The following SPAG9 variants were observed in gnomAD, a reference collection of about 807,000 sequenced individuals.
SPAG9 encodes the protein sperm associated antigen 9.
In SPAG9, 35 loss-of-function variants were observed where a neutral mutation model predicts 166.5. That is an observed-to-expected ratio of 0.21 (90% CI 0.16 to 0.28). SPAG9 has a LOEUF of 0.28. Among genes scored for constraint, SPAG9 ranks in the 10% least tolerant of loss-of-function variants. SPAG9 has a pLI of 1.00. For synonymous variants in SPAG9, 534 were observed against 565.5 expected (o/e 0.94, Z 0.79); for missense variants, 1,235 against 1,603.3 (o/e 0.77, Z 3.92).
chr17:51,077,037 G>GCTAT (rs879478812), intron 2 of SPAG9, among the ~76,000 whole-genome samples: 2 of 108,628 alleles, frequency 1.8e-5, no homozygotes, highest in African/African-American at 7.2e-5. Flanking sequence ...TATCTATCTA[G>GCTAT]CTATCTAGCT....
intron 5 of SPAG9, among the ~76,000 whole-genome samples, chr17:51,036,967 G>T (rs1177285967): frequency 6.6e-6 from 1 of 152,126 alleles, no homozygotes; most frequent in Non-Finnish European, 1.5e-5. Context: ...CTGTTCTTCA[G>T]GACTGTCTTG....
chr17:51,054,324 T>C (rs1024489106), intron 3 of SPAG9, among the ~76,000 whole-genome samples: 2 of 151,858 alleles, frequency 1.3e-5, no homozygotes, highest in Admixed American at 6.6e-5. Flanking sequence ...GGTTTCACCA[T>C]GTTGCCCAGG....
rs113209642 is a variant in SPAG9, at chr17:51,073,901, G to C, written c.424+5683C>G. Reference sequence around the variant, plus strand: ...GCGGACCACAAGGTCAGGAGTTCGAGACCAGCCTGGCCAATATGGTGAAAC... The same window carrying C: ...GCGGACCACAAGGTCAGGAGTTCGACACCAGCCTGGCCAATATGGTGAAAC... On this transcript the variant is annotated intron_variant, in intron 2 of 29. Transcript: ENST00000262013. Among the ~76,000 whole-genome samples the C allele has an allele frequency of 7.7e-3, 1,175 of 152,164 alleles. 5 individuals carry two copies. Among genetic ancestry groups the C allele is most frequent in the Non-Finnish European group, 0.013 (890 of 67,996 alleles).
chr17:51,045,614 T>C (rs904172410), intron 4 of SPAG9, among the ~76,000 whole-genome samples: 1 of 151,592 alleles, frequency 6.6e-6, no homozygotes, highest in African/African-American at 2.4e-5. Context: ...ATTTAAATAA[T>C]AAATAAAAAC....
At position 51,013,917 on chromosome 17, in the gene SPAG9, C is replaced by T. The variant is rs201022514; in HGVS notation, c.1213+315G>A. On this transcript the variant is annotated intron_variant, in intron 9 of 29. Transcript: ENST00000262013. ...ACATACACATACACACACACACACA[C>T]ATACACACACACACATCACCATGTT... Among the ~76,000 whole-genome samples the T allele has an allele frequency of 2.5e-3, 331 of 130,282 alleles. 1 individual carries two copies. Among genetic ancestry groups the T allele is most frequent in the African/African-American group, 0.01 (316 of 30,606 alleles). The allele number at this position is 130,282 out of a possible 152,430, so 85.5% of individuals were successfully genotyped here.
Position 51,037,521 on chromosome 17 carries a change from G to A in SPAG9, c.741+3980C>T, listed in dbSNP as rs972728676. On this transcript the variant is annotated intron_variant, in intron 5 of 29. Transcript: ENST00000262013. Reference sequence around the variant, plus strand: ...CCAGCTACTTGGAAGGCTGAGGCAGGAGAATCACTTGAACCTGGGAGGTGG... The same window carrying A: ...CCAGCTACTTGGAAGGCTGAGGCAGAAGAATCACTTGAACCTGGGAGGTGG... Among the ~76,000 whole-genome samples, 5 of 150,908 alleles carry A rather than the reference G, an allele frequency of 3.3e-5. No individual in the cohort carries two copies. The East Asian group carries it at 9.7e-4, about 29-fold the overall frequency.
intron 28 of SPAG9, among the ~76,000 whole-genome samples, chr17:50,973,918 T>C (rs11652633): frequency 0.23 from 34,439 of 152,138 alleles, 4,835 homozygotes; most frequent in Non-Finnish European, 0.31. Flanking sequence ...TGACCCAATT[T>C]CTTAACAGTA....
At chr17:51,045,294 T>C (rs1021676770) in intron 4 of SPAG9, among the ~76,000 whole-genome samples, 2 of 152,240 alleles carry the variant, frequency 1.3e-5, no homozygotes, top group African/African-American at 2.4e-5. Flanking sequence ...ATTAATATTC[T>C]ACATATTCTT....
At chr17:51,059,375 TTTAAACAA>T (rs2047442458) in intron 2 of SPAG9, among the ~76,000 whole-genome samples, 1 of 152,074 alleles carries the variant, frequency 6.6e-6, no homozygotes, top group South Asian at 2.1e-4. Context: ...TAGAATGGGA[TTTAAACAA>T]ACTATTCAGA....
intron 29 of SPAG9, 106 bp downstream of exon 29, chr17:50,970,601 G>A (rs1353634831): frequency 3.3e-6 from 3 of 910,204 alleles, no homozygotes; most frequent in Non-Finnish European, 4.8e-6. Flanking sequence ...AGAGCTCAAA[G>A]AGAACCTCTT....
At position 51,041,570 on chromosome 17, in the gene SPAG9, T is replaced by G. The variant is rs757244763; in HGVS notation, c.672A>C (p.Gly224=). The change falls in exon 5 of 30, where the codon GGA becomes GGC. Residue 224 remains glycine (G), a synonymous_variant. Coordinates refer to ENST00000262013, the MANE Select transcript of SPAG9 (RefSeq NM_001130528.3). The part of the protein sequence containing the change: ...GLLTPDAQKG[G]ETPGSEQWKF... ...TCCATTGCTCAGATCCAGGGGTCTCTCCTCCTTTCTGAGCATCAGGTGTAA... is the reference window on the plus strand; with the variant it reads ...TCCATTGCTCAGATCCAGGGGTCTCGCCTCCTTTCTGAGCATCAGGTGTAA... The G allele has an allele frequency of 1.9e-6, 3 of 1,613,876 alleles. No individual in the cohort carries two copies. The highest frequency in any genetic ancestry group is 2.2e-5 in the South Asian group (2 of 91,066).
intron 1 of SPAG9, among the ~76,000 whole-genome samples, chr17:51,094,389 T>C (rs1443065644): frequency 6.6e-6 from 1 of 152,160 alleles, no homozygotes; most frequent in Non-Finnish European, 1.5e-5. Flanking sequence ...ATAATTAATA[T>C]ACTCAGAGAC....
chr17:51,108,965 C>T (rs1222139915), intron 1 of SPAG9, among the ~76,000 whole-genome samples: 2 of 151,252 alleles, frequency 1.3e-5, no homozygotes, highest in Admixed American at 6.6e-5. Context: ...TGGGTTCAAG[C>T]GATTCTCCTG....
At position 50,962,501 on chromosome 17, in the gene SPAG9, G is replaced by C. The variant is rs577063294; in HGVS notation, c.*3771C>G. On this transcript the variant is annotated 3_prime_UTR_variant, in exon 30 of 30. Coordinates refer to ENST00000262013, the MANE Select transcript of SPAG9 (RefSeq NM_001130528.3). ...TTAAGAGAAAAGACAGACATTTAGT[G>C]TTACAGAATAGCATAACCCTGTTAG... The C allele has an allele frequency of 2.6e-5, 4 of 152,320 alleles. No homozygotes were observed. In the South Asian group the frequency reaches 8.3e-4, roughly 32 times the overall value. The allele number at this position is 152,320 out of a possible 1,614,324, so 9.4% of individuals were successfully genotyped here. A position where few individuals can be genotyped will look rare whatever the true frequency, so the allele number is the denominator to read the frequency against.
At chr17:51,020,046 A>T in intron 8 of SPAG9, 113 bp downstream of exon 8, 3 of 652,206 alleles carry the variant, frequency 4.6e-6, no homozygotes, top group Non-Finnish European at 8.3e-6. Context: ...TATAATACTA[A>T]CATTTCTTCA....
intron 21 of SPAG9, 26 bp from the exon 22 acceptor site, chr17:50,987,263 A>C: frequency 6.3e-7 from 1 of 1,594,574 alleles, no homozygotes; most frequent in South Asian, 1.1e-5. Context: ...AAAAGGAAAG[A>C]AATCTGAGTA....
Position 50,993,879 on chromosome 17 carries a change from A to G in SPAG9, c.2283T>C (p.Cys761=). The G allele has an allele frequency of 6.2e-7, 1 of 1,614,170 alleles. No individual in the cohort carries two copies. The highest frequency in any genetic ancestry group is 1.1e-5 in the South Asian group (1 of 91,070). The change falls in exon 19 of 30, where the codon TGT becomes TGC. Residue 761 remains cysteine (C), a synonymous_variant. Transcript: ENST00000262013. ...CTTTTGTAGCCGAATGAGTGCTGGT[A>G]CAGATCCAAACTAGACTGGATAATT... ...QEELSSLVWI[C]TSTHSATKVL... is the part of the protein sequence containing the mutation.
chr17:51,095,944 G>A (rs1054302897), intron 1 of SPAG9, among the ~76,000 whole-genome samples: 2 of 91,316 alleles, frequency 2.2e-5, no homozygotes, highest in African/African-American at 1.1e-4. Flanking sequence ...TAGTGATATA[G>A]TTATATATAT....
At chr17:50,992,549 T>C (rs529529860) in intron 19 of SPAG9, among the ~76,000 whole-genome samples, 9 of 152,218 alleles carry the variant, frequency 5.9e-5, no homozygotes, top group African/African-American at 2.2e-4. Context: ...TGTGCGCCTG[T>C]GGTCCCAGCT....
Sources: gnomAD v4.1 joint callset for allele counts (sites outside exome capture counted in the v4.1 genomes callset) on GRCh38, gnomAD v4.1.1 for gene constraint, MANE v1.5 for transcripts, NCBI Gene and HGNC (gene_info 2026-07-23, HGNC 2026-07-21) for gene names.